The following PRORP variants were observed in gnomAD, a reference collection of about 807,000 sequenced individuals.
The protein encoded by PRORP is mitochondrial ribonuclease P catalytic subunit.
Under a neutral mutation model 59.4 loss-of-function variants are expected in PRORP, and 51 were observed. The ratio of observed to expected loss-of-function variants is 0.86; its 90% CI spans 0.69 to 1.08. PRORP has a LOEUF of 1.08. Among genes scored for constraint, PRORP ranks in the 50% least tolerant of loss-of-function variants. The probability of loss-of-function intolerance (pLI) is 0.00; values close to 1 mark genes in which losing one functional copy is unlikely to be tolerated. For synonymous variants in PRORP, 231 were observed against 245.6 expected (o/e 0.94, Z 0.55); for missense variants, 646 against 690.3 (o/e 0.94, Z 0.72).
intron 5 of PRORP, among the ~76,000 whole-genome samples, chr14:35,204,006 T>C (rs1376679909): frequency 6.6e-6 from 1 of 152,256 alleles, no homozygotes. Context: ...AACCACTAAG[T>C]ATGTACATAT....
At chr14:35,267,222 T>C (rs546142368) in intron 6 of PRORP, among the ~76,000 whole-genome samples, 2 of 152,276 alleles carry the variant, frequency 1.3e-5, no homozygotes, top group East Asian at 3.9e-4. Flanking sequence ...TTCTATGTTC[T>C]TGGAGAAAGA....
At chr14:35,268,822 C>T (rs927499585) in intron 6 of PRORP, among the ~76,000 whole-genome samples, 41 of 152,168 alleles carry the variant, frequency 2.7e-4, no homozygotes, top group African/African-American at 9.9e-4. Context: ...TCTCGAACTC[C>T]TGACCTCATG....
intron 5 of PRORP, among the ~76,000 whole-genome samples, chr14:35,225,292 CA>C (rs1356056500): frequency 6.6e-6 from 1 of 152,066 alleles, no homozygotes; most frequent in Non-Finnish European, 1.5e-5. Flanking sequence ...AATCAATAAA[CA>C]AAAAGCTAAG....
rs2047411500 is a variant in PRORP, at chr14:35,138,071, G to T, written c.1167+10460G>T. On this transcript the variant is annotated intron_variant, in intron 4 of 7. Transcript: ENST00000534898. ...TCTAGAAGTCCAAGATCAAGGTGTT[G>T]TCAGCTTTGGTTTCTCTTGATCCCT... Among the ~76,000 whole-genome samples the T allele has an allele frequency of 1.4e-5, 2 of 145,780 alleles. 1 individual carries two copies. The highest frequency in any genetic ancestry group is 3.0e-5 in the Non-Finnish European group (2 of 65,586).
chr14:35,125,630 G>A (rs2138772172), intron 2 of PRORP, among the ~76,000 whole-genome samples: 1 of 152,150 alleles, frequency 6.6e-6, no homozygotes, highest in South Asian at 2.1e-4. Context: ...CAGTAATTAT[G>A]CTTAATTATC....
chr14:35,181,366 T>A (rs2048601329), intron 5 of PRORP, among the ~76,000 whole-genome samples: 1 of 152,216 alleles, frequency 6.6e-6, no homozygotes, highest in Non-Finnish European at 1.5e-5. Flanking sequence ...TTTTGTATAG[T>A]AAATCTATAG....
At chr14:35,158,415 C>A in intron 4 of PRORP, 2 of 306,594 alleles carry the variant, frequency 6.5e-6, no homozygotes, top group South Asian at 8.9e-5. Flanking sequence ...CCATTAAGTT[C>A]AATGATATAG....
chr14:35,248,136 A>G (rs2050528785), intron 5 of PRORP, among the ~76,000 whole-genome samples: 1 of 152,212 alleles, frequency 6.6e-6, no homozygotes, highest in Non-Finnish European at 1.5e-5. Flanking sequence ...CTAAAATACC[A>G]AAGACTGACG....
intron 4 of PRORP, among the ~76,000 whole-genome samples, chr14:35,155,531 G>A (rs894894968): frequency 6.9e-6 from 1 of 145,198 alleles, no homozygotes; most frequent in African/African-American, 2.6e-5. Context: ...AGACAAGCCT[G>A]GGCAACATAG....
At chr14:35,254,117 A>G (rs572037388) in intron 5 of PRORP, among the ~76,000 whole-genome samples, 6 of 151,216 alleles carry the variant, frequency 4.0e-5, no homozygotes, top group African/African-American at 9.7e-5. Flanking sequence ...ACCATCATCT[A>G]TCCAGCTGTC....
intron 4 of PRORP, among the ~76,000 whole-genome samples, chr14:35,139,467 C>G (rs1446011764): frequency 6.9e-6 from 1 of 145,244 alleles, no homozygotes; most frequent in South Asian, 2.3e-4. Flanking sequence ...CCCCAGGCAA[C>G]CACTATGGAA....
chr14:35,243,010 T>G (rs1310635775), intron 5 of PRORP, among the ~76,000 whole-genome samples: 1 of 152,204 alleles, frequency 6.6e-6, no homozygotes, highest in African/African-American at 2.4e-5. Flanking sequence ...TACAAGGAGT[T>G]TCTCCCAAAA....
At chr14:35,148,931 T>TTG (rs1401686452) in intron 4 of PRORP, among the ~76,000 whole-genome samples, 3 of 141,850 alleles carry the variant, frequency 2.1e-5, no homozygotes, top group Non-Finnish European at 3.1e-5. Context: ...TTTTTTTTTT[T>TTG]TTTTTGAGAC....
chr14:35,262,795 A>G (rs908845398), intron 5 of PRORP: 8 of 1,338,690 alleles, frequency 6.0e-6, no homozygotes, highest in Non-Finnish European at 7.5e-6. Context: ...TCTCTTGTTG[A>G]AATCTGAAAT....
chr14:35,243,968 G>C (rs2050423460), intron 5 of PRORP, among the ~76,000 whole-genome samples: 1 of 152,094 alleles, frequency 6.6e-6, no homozygotes, highest in Non-Finnish European at 1.5e-5. Context: ...CTGAAAAAAA[G>C]AGGCTTAAAA....
intron 5 of PRORP, chr14:35,262,521 G>A: frequency 1.6e-6 from 1 of 606,078 alleles, no homozygotes; most frequent in South Asian, 1.7e-5. Context: ...TTACTCTGAA[G>A]GGACACACAG....
chr14:35,215,795 C>G (rs1166178223), intron 5 of PRORP, among the ~76,000 whole-genome samples: 1 of 151,304 alleles, frequency 6.6e-6, no homozygotes, highest in African/African-American at 2.4e-5. Context: ...GGGACAGGGT[C>G]TCACCCTGTC....
intron 4 of PRORP, among the ~76,000 whole-genome samples, chr14:35,148,911 A>ATTTTTTTTTTTT (rs1186320988): frequency 2.4e-5 from 2 of 82,838 alleles, no homozygotes; most frequent in African/African-American, 1.0e-4. Flanking sequence ...GCACTTTTTA[A>ATTTTTTTTTTTT]TTTTTTTTTT....
chr14:35,184,541 C>T (rs2048696553), intron 5 of PRORP, among the ~76,000 whole-genome samples: 1 of 152,020 alleles, frequency 6.6e-6, no homozygotes, highest in Non-Finnish European at 1.5e-5. Flanking sequence ...TTATTTTAAG[C>T]TTGGGGGTAC....
Sources: gnomAD v4.1 joint callset for allele counts (sites outside exome capture counted in the v4.1 genomes callset) on GRCh38, gnomAD v4.1.1 for gene constraint, MANE v1.5 for transcripts, NCBI Gene and HGNC (gene_info 2026-07-23, HGNC 2026-07-21) for gene names.